CTNNA1: variants seen among roughly 807,000 people sequenced by gnomAD.
CTNNA1 encodes catenin alpha 1, also known as catenin alpha-1.
In CTNNA1, 37 loss-of-function variants were observed where a neutral mutation model predicts 98.4. The ratio of observed to expected loss-of-function variants is 0.38; its 90% confidence interval spans 0.29 to 0.49. CTNNA1 has a LOEUF of 0.49. CTNNA1 is among the 20% of genes least tolerant of loss of function. The pLI is 0.95. For synonymous variants in CTNNA1, 404 were observed against 413.2 expected, an observed-to-expected ratio of 0.98 and a Z score of 0.27; for missense variants, 761 against 1,147.2, an observed-to-expected ratio of 0.66 and a Z score of 4.86.
intron 3 of CTNNA1, among the ~76,000 whole-genome samples, chr5:138,796,512 C>T (rs1004426542): frequency 6.0e-4 from 91 of 150,892 alleles, no homozygotes; most frequent in Non-Finnish European, 1.0e-3. Flanking sequence ...CCACTGCACT[C>T]CAGCCTGAGC....
intron 7 of CTNNA1, among the ~76,000 whole-genome samples, chr5:138,837,844 A>G (rs1323018994): frequency 1.3e-5 from 2 of 151,820 alleles, no homozygotes; most frequent in African/African-American, 4.8e-5. Context: ...GGTGGTCTCA[A>G]ACTCCTGGAC....
At chr5:138,815,404 T>G (rs1759331168) in intron 5 of CTNNA1, among the ~76,000 whole-genome samples, 1 of 152,188 alleles carries the variant, frequency 6.6e-6, no homozygotes, top group Admixed American at 6.5e-5. Context: ...TGTGGGCTCC[T>G]GCTTGGGCTT....
chr5:138,924,037 G>A (rs969963635), intron 11 of CTNNA1, among the ~76,000 whole-genome samples: 5 of 152,204 alleles, frequency 3.3e-5, no homozygotes, highest in Non-Finnish European at 7.3e-5. Context: ...CTATCCCAGG[G>A]CTGTACTGGC....
At chr5:138,924,757 G>A (rs1229370242) in intron 12 of CTNNA1, 47 bp downstream of exon 12, 9 of 1,502,648 alleles carry the variant, frequency 6.0e-6, no homozygotes, top group Non-Finnish European at 8.1e-6. Context: ...CGCAGCCTCA[G>A]TGAGGCAGGC....
chr5:138,922,977 C>T (rs1025119509), intron 11 of CTNNA1, among the ~76,000 whole-genome samples: 3 of 145,386 alleles, frequency 2.1e-5, no homozygotes, highest in African/African-American at 7.8e-5. Context: ...GTTAAAAAAT[C>T]CTTGGTGGAA....
rs185478911 is a variant in CTNNA1, at chr5:138,814,330, C to A, written c.588+2028C>A. On this transcript the variant is annotated intron_variant, in intron 5 of 17. Coordinates refer to ENST00000302763, the MANE Select transcript of CTNNA1 (RefSeq NM_001903.5). Reference sequence around the variant, plus strand: ...ATGGTGCAATCTCGGCTCACCACAACCTCCGCCTCCCGGGTTCAAGTGATT... The same window carrying A: ...ATGGTGCAATCTCGGCTCACCACAAACTCCGCCTCCCGGGTTCAAGTGATT... Among the ~76,000 whole-genome samples, 627 of 151,406 alleles carry A rather than the reference C, an allele frequency of 4.1e-3. 2 individuals are homozygous for A. Among genetic ancestry groups the A allele is most frequent in the African/African-American group, 0.015 (596 of 41,094 alleles).
chr5:138,916,962 C>T (rs190260663), intron 10 of CTNNA1, among the ~76,000 whole-genome samples: 3,462 of 151,906 alleles, frequency 0.023, 131 homozygotes, highest in African/African-American at 0.08. Context: ...TTAGTAGAGA[C>T]GGGGTTTCAC....
intron 3 of CTNNA1, among the ~76,000 whole-genome samples, chr5:138,802,377 G>A (rs1757668318): frequency 6.6e-6 from 1 of 151,918 alleles, no homozygotes; most frequent in Non-Finnish European, 1.5e-5. Flanking sequence ...CACTTTGTTG[G>A]CCAGGGTGAT....
chr5:138,931,918 C>T, intron 16 of CTNNA1: 1 of 985,512 alleles, frequency 1.0e-6, no homozygotes, highest in African/African-American at 1.7e-5. Context: ...GTGTTTCTCC[C>T]TTTGGGTAAA....
intron 3 of CTNNA1, 87 bp from the exon 4 acceptor site, chr5:138,809,951 A>C: frequency 6.9e-7 from 1 of 1,446,870 alleles, no homozygotes; most frequent in East Asian, 2.4e-5. Context: ...AAATATACAA[A>C]GTTTGGATTA....
Position 138,929,880 on chromosome 5 carries a change from G to A in CTNNA1, c.2010+524G>A, listed in dbSNP as rs181567365. ...TGATTTCACTCCTTGGAAATCTGTCGTGAACAGCGAGCACATCCCTGCCTT... is the reference window on the plus strand; with the variant it reads ...TGATTTCACTCCTTGGAAATCTGTCATGAACAGCGAGCACATCCCTGCCTT... On this transcript the variant is annotated intron_variant, in intron 14 of 17. Coordinates refer to ENST00000302763, the MANE Select transcript of CTNNA1 (RefSeq NM_001903.5). 1.3e-3 allele frequency among the ~76,000 whole-genome samples: 200 copies of A among 152,222 alleles called. 2 individuals are homozygous for A. Among genetic ancestry groups the A allele is most frequent in the Non-Finnish European group, 8.5e-4 (58 of 68,018 alleles).
intron 1 of CTNNA1, among the ~76,000 whole-genome samples, chr5:138,760,713 T>C (rs1037360875): frequency 6.6e-6 from 1 of 152,198 alleles, no homozygotes; most frequent in Non-Finnish European, 1.5e-5. Flanking sequence ...CAAGGTATGC[T>C]ACTTTTTTAT....
At chr5:138,787,979 C>G (rs915754231) in intron 3 of CTNNA1, among the ~76,000 whole-genome samples, 4 of 152,204 alleles carry the variant, frequency 2.6e-5, no homozygotes, top group African/African-American at 9.7e-5. Flanking sequence ...TCTCTGTGAT[C>G]TAAGAGTTTA....
chr5:138,766,294 G>T (rs1290275409), intron 1 of CTNNA1, among the ~76,000 whole-genome samples: 1 of 152,142 alleles, frequency 6.6e-6, no homozygotes, highest in Non-Finnish European at 1.5e-5. Flanking sequence ...CTGGGCAGAG[G>T]AACAGTCTTG....
rs755524897 is a variant in CTNNA1, at chr5:138,824,606, A to G, written c.665A>G (p.Tyr222Cys). 3.1e-6 allele frequency: 5 copies of G among 1,614,244 alleles called. No individual in the cohort carries two copies. The highest frequency in any genetic ancestry group is 1.1e-5 in the South Asian group (1 of 91,086). Residue 222 changes from tyrosine to cysteine, a missense_variant, in exon 6 of 18, where the codon TAT becomes TGT. Tyr to Cys is a radical substitution (Grantham distance 194). This residue lies in a region of CTNNA1 where 328 missense variants were observed against 354.3 expected (regional missense o/e 0.93). Coordinates refer to ENST00000302763, the MANE Select transcript of CTNNA1 (RefSeq NM_001903.5). ...GILQKNVPIL[Y>C]TASQACLQHP... ...CTGCAGAAGAACGTTCCGATCCTCT[A>G]TACTGCATCCCAGGCATGCCTACAG...
At position 138,873,956 on chromosome 5, in the gene CTNNA1, G is replaced by A. The variant is rs1750973498; in HGVS notation, c.1063-12256G>A. On this transcript the variant is annotated intron_variant, in intron 7 of 17. Transcript: ENST00000302763. The surrounding 1 kb of genome is among the most constrained non-coding windows in gnomAD (Gnocchi z 6.1). ...AAGCTCTCTCAGTTTAATTAATCCT[G>A]CAAATCCATTGCGAGCCAAACTTCG... 6 of 1,613,862 alleles carry A rather than the reference G, an allele frequency of 3.7e-6. No individual in the cohort carries two copies. Among genetic ancestry groups the A allele is most frequent in the Non-Finnish European group, 5.1e-6 (6 of 1,179,898 alleles).
chr5:138,903,631 A>G (rs1015063898), intron 9 of CTNNA1, among the ~76,000 whole-genome samples: 1 of 152,234 alleles, frequency 6.6e-6, no homozygotes, highest in Non-Finnish European at 1.5e-5. Context: ...GAGCTGTATC[A>G]TTGAGATGGC....
rs1369125457 is a variant in CTNNA1 at position 138,856,353 on chromosome 5, GA to G, written c.1062+28637del. ...TTTCTTTCTTTTCCTTTTTTTTAAA[GA>G]ATAAAACAGACAGGGTCTCACTCTG... On this transcript the variant is annotated intron_variant, in intron 7 of 17. Transcript: ENST00000302763. 8.6e-5 allele frequency among the ~76,000 whole-genome samples: 13 copies of G among 151,834 alleles called. 1 individual carries two copies.
At chr5:138,836,566 C>CT (rs1761789414) in intron 7 of CTNNA1, among the ~76,000 whole-genome samples, 1 of 152,172 alleles carries the variant, frequency 6.6e-6, no homozygotes, top group East Asian at 1.9e-4. Flanking sequence ...TTCTTAATCT[C>CT]TAATACCAGA....
Sources: gnomAD v4.1 joint callset for allele counts (sites outside exome capture counted in the v4.1 genomes callset) on GRCh38, gnomAD v4.1.1 for gene constraint, gnomAD v4.1.1 regional missense constraint, Gnocchi (gnomAD v3.1) non-coding constraint, MANE v1.5 for transcripts, NCBI Gene and HGNC (gene_info 2026-07-23, HGNC 2026-07-21) for gene names.